The following ZRANB3 variants were observed in gnomAD, a reference collection of about 807,000 sequenced individuals.
The protein encoded by ZRANB3 is zinc finger RANBP2-type containing 3.
Under a neutral mutation model 133.8 loss-of-function variants are expected in ZRANB3, and 125 were observed. The observed-to-expected ratio is 0.93, with a 90% CI of 0.81 to 1.08. The LOEUF (loss-of-function observed/expected upper bound fraction) is 1.08. ZRANB3 is among the 50% of genes least tolerant of loss of function. The probability of loss-of-function intolerance (pLI) is 0.00; values close to 1 mark genes in which losing one functional copy is unlikely to be tolerated. For synonymous variants in ZRANB3, 387 were observed against 432.7 expected (o/e 0.89, Z 1.31); for missense variants, 1,229 against 1,275.5 (o/e 0.96, Z 0.56).
chr2:135,282,821 T>A (rs939586848), intron 8 of ZRANB3, among the ~76,000 whole-genome samples: 1 of 152,182 alleles, frequency 6.6e-6, no homozygotes, highest in African/African-American at 2.4e-5. Context: ...AAGGCAATCA[T>A]TATCAATCAA....
intron 2 of ZRANB3, among the ~76,000 whole-genome samples, chr2:135,443,297 T>G (rs937395309): frequency 6.7e-6 from 1 of 148,344 alleles, no homozygotes; most frequent in South Asian, 2.1e-4. Flanking sequence ...CACTGCATGT[T>G]CTCACTCATA....
At chr2:135,225,196 A>G (rs556511478) in intron 14 of ZRANB3, among the ~76,000 whole-genome samples, 2 of 152,304 alleles carry the variant, frequency 1.3e-5, no homozygotes, top group South Asian at 2.1e-4. Flanking sequence ...CATTTTACAT[A>G]GGAAGAAACT....
intron 3 of ZRANB3, among the ~76,000 whole-genome samples, chr2:135,382,738 C>T (rs1444235828): frequency 6.6e-6 from 1 of 152,108 alleles, no homozygotes; most frequent in African/African-American, 2.4e-5. Flanking sequence ...TGCAGCGAAA[C>T]TAAGCTTCAT....
intron 2 of ZRANB3, among the ~76,000 whole-genome samples, chr2:135,491,770 C>G (rs545345774): frequency 1.3e-5 from 2 of 152,200 alleles, no homozygotes; most frequent in South Asian, 4.2e-4. Flanking sequence ...CCGCCTCAGC[C>G]TCACAAAGCG....
intron 8 of ZRANB3, among the ~76,000 whole-genome samples, chr2:135,293,901 T>C (rs969712399): frequency 1.5e-4 from 23 of 151,452 alleles, no homozygotes; most frequent in Non-Finnish European, 2.2e-4. Context: ...ATTACGTTTA[T>C]TGATTTTCGT....
chr2:135,447,328 T>C (rs541629198), intron 2 of ZRANB3, among the ~76,000 whole-genome samples: 72 of 152,320 alleles, frequency 4.7e-4, no homozygotes, highest in Non-Finnish European at 8.1e-4. Context: ...CGTGAGCCAC[T>C]GTGCCTGGCC....
At chr2:135,348,528 T>C (rs541631274) in intron 5 of ZRANB3, among the ~76,000 whole-genome samples, 20 of 152,320 alleles carry the variant, frequency 1.3e-4, no homozygotes, top group Non-Finnish European at 2.5e-4. Context: ...TTCTATTTCT[T>C]ATGCTCGATT....
chr2:135,326,317 T>C (rs1047920198), intron 6 of ZRANB3, among the ~76,000 whole-genome samples: 2 of 152,180 alleles, frequency 1.3e-5, no homozygotes, highest in African/African-American at 4.8e-5. Context: ...AGTTCTTTAG[T>C]GGTGATTTGT....
intron 17 of ZRANB3, among the ~76,000 whole-genome samples, chr2:135,215,003 G>C (rs1694246603): frequency 6.6e-6 from 1 of 152,144 alleles, no homozygotes; most frequent in Admixed American, 6.5e-5. Context: ...TCGCAGCCTT[G>C]ACCTCCTGGG....
chr2:135,247,237 G>A (rs1238221855), intron 12 of ZRANB3, among the ~76,000 whole-genome samples: 2 of 152,212 alleles, frequency 1.3e-5, no homozygotes, highest in Non-Finnish European at 2.9e-5. Context: ...AAGAGCCCTC[G>A]TGAGCATTTG....
rs200511870 is a variant in ZRANB3 at position 135,224,446 on chromosome 2, G to A, written c.2230C>T (p.Arg744Trp). 1.2e-5 allele frequency: 19 copies of A among 1,612,306 alleles called. No homozygotes were observed. In the East Asian group the frequency reaches 1.3e-4, roughly 11 times the overall value. Reference sequence around the variant, plus strand: ...CTTACCTTAGTATAGATGTGAATCCGGTCAGTATTCCTACTTGCACAGAAC... The same window carrying A: ...CTTACCTTAGTATAGATGTGAATCCAGTCAGTATTCCTACTTGCACAGAAC... ...LMFCASRNTD[R>W]IHIYTKDGKQ... Residue 744 changes from arginine to tryptophan, a missense_variant, in exon 15 of 21, where the codon CGG becomes TGG. Arg to Trp is a moderately radical substitution (Grantham distance 101). Coordinates refer to ENST00000264159, the MANE Select transcript of ZRANB3 (RefSeq NM_032143.4).
At chr2:135,352,416 A>C (rs1019892149) in intron 4 of ZRANB3, among the ~76,000 whole-genome samples, 1 of 152,086 alleles carries the variant, frequency 6.6e-6, no homozygotes, top group Non-Finnish European at 1.5e-5. Context: ...AAAAAATTCT[A>C]CATTCTCTAA....
At chr2:135,380,256 A>G (rs1410473514) in intron 3 of ZRANB3, among the ~76,000 whole-genome samples, 1 of 152,210 alleles carries the variant, frequency 6.6e-6, no homozygotes, top group East Asian at 1.9e-4. Flanking sequence ...CAGATCAGCA[A>G]GACAGAAGGT....
At chr2:135,420,124 T>TATATATATATAA (rs1273584306) in intron 2 of ZRANB3, among the ~76,000 whole-genome samples, 1 of 91,332 alleles carries the variant, frequency 1.1e-5, no homozygotes. Flanking sequence ...TATATATATA[T>TATATATATATAA]AACTTATAGA....
intron 3 of ZRANB3, among the ~76,000 whole-genome samples, chr2:135,381,022 T>G (rs1014690508): frequency 6.6e-6 from 1 of 152,076 alleles, no homozygotes; most frequent in African/African-American, 2.4e-5. Flanking sequence ...GAGGATGCAG[T>G]GCATTGAGCG....
intron 2 of ZRANB3, among the ~76,000 whole-genome samples, chr2:135,407,879 A>C (rs1439730207): frequency 7.2e-6 from 1 of 139,314 alleles, no homozygotes; most frequent in African/African-American, 3.2e-5. Context: ...CCCTAGAAGA[A>C]AACCTAGGCA....
chr2:135,406,783 A>G (rs1317779683), intron 2 of ZRANB3, among the ~76,000 whole-genome samples: 1 of 152,340 alleles, frequency 6.6e-6, no homozygotes, highest in African/African-American at 2.4e-5. Context: ...CCTTCATGCT[A>G]AACACTCTCA....
intron 6 of ZRANB3, among the ~76,000 whole-genome samples, chr2:135,328,613 T>C (rs941057556): frequency 1.3e-5 from 2 of 152,214 alleles, no homozygotes; most frequent in South Asian, 4.1e-4. Context: ...GTATTTCTAG[T>C]TCTAGATCCT....
intron 8 of ZRANB3, among the ~76,000 whole-genome samples, chr2:135,309,968 G>C (rs1052743005): frequency 1.3e-5 from 2 of 152,138 alleles, no homozygotes; most frequent in South Asian, 4.1e-4. Context: ...ACAGAGTCTT[G>C]CTCTGTTGCC....
Sources: gnomAD v4.1 joint callset for allele counts (sites outside exome capture counted in the v4.1 genomes callset) on GRCh38, gnomAD v4.1.1 for gene constraint, MANE v1.5 for transcripts, NCBI Gene and HGNC (gene_info 2026-07-23, HGNC 2026-07-21) for gene names.